USH2A: variants seen among roughly 807,000 people sequenced by gnomAD.
The protein encoded by USH2A is usherin.
USH2A carries 443 observed loss-of-function variants against 538.9 expected under a neutral mutation model. The observed-to-expected ratio is 0.82, with a 90% CI of 0.76 to 0.89. The LOEUF is 0.89. USH2A is among the 40% of genes least tolerant of loss of function. The pLI, the probability that USH2A is intolerant of heterozygous loss-of-function variation, is 0.00. For missense variants in USH2A, 6,633 were observed against 6,324.8 expected (o/e 1.05, Z -1.65); for synonymous variants, 2,413 against 2,273.5 (o/e 1.06, Z -1.75).
At chr1:216,003,945 T>A (rs78165421) in intron 32 of USH2A, among the ~76,000 whole-genome samples, 2,747 of 152,234 alleles carry the variant, frequency 0.018, 78 homozygotes, top group African/African-American at 0.063. Flanking sequence ...AAGTAAGAAA[T>A]GGTTAAATTC....
chr1:216,092,920 A>G (rs184547906), intron 22 of USH2A, among the ~76,000 whole-genome samples: 1 of 152,216 alleles, frequency 6.6e-6, no homozygotes, highest in South Asian at 2.1e-4. Flanking sequence ...TACTTACTAG[A>G]CATCATTAAA....
chr1:215,659,041 A>G (rs1657357093), intron 64 of USH2A, among the ~76,000 whole-genome samples: 1 of 152,192 alleles, frequency 6.6e-6, no homozygotes, highest in Non-Finnish European at 1.5e-5. Flanking sequence ...TGAGCTGGGG[A>G]TACAACAGTG....
chr1:215,713,462 G>T (rs1659397142), intron 61 of USH2A, among the ~76,000 whole-genome samples: 1 of 152,120 alleles, frequency 6.6e-6, no homozygotes, highest in African/African-American at 2.4e-5. Context: ...TTTTAAATCA[G>T]TTGTTTTAAT....
rs144028437 is a variant in USH2A at position 215,872,329 on chromosome 1, T to C, written c.8682-5159A>G. On this transcript the variant is annotated intron_variant, in intron 43 of 71. Transcript: ENST00000307340. ...ATCTATTTGTTGATTCTAAAAATAG[T>C]ATTGAAGATTTTTGCTTCAAAAATT... 5.0e-3 allele frequency among the ~76,000 whole-genome samples: 758 copies of C among 152,330 alleles called. 2 individuals carry two copies. The highest frequency in any genetic ancestry group is 7.7e-3 in the Non-Finnish European group (527 of 68,030).
intron 3 of USH2A, among the ~76,000 whole-genome samples, chr1:216,372,001 A>G (rs1158285404): frequency 6.6e-6 from 1 of 152,230 alleles, no homozygotes; most frequent in Non-Finnish European, 1.5e-5. Flanking sequence ...AGTGACGTTT[A>G]TACAAACAAT....
intron 4 of USH2A, among the ~76,000 whole-genome samples, chr1:216,332,191 C>T (rs1571710715): frequency 2.0e-5 from 3 of 152,036 alleles, no homozygotes; most frequent in Non-Finnish European, 4.4e-5. Flanking sequence ...TGTCATTATT[C>T]GATCTGCCTG....
intron 4 of USH2A, among the ~76,000 whole-genome samples, chr1:216,359,676 T>C (rs988511459): frequency 7.9e-5 from 12 of 152,096 alleles, no homozygotes; most frequent in Admixed American, 3.3e-4. Flanking sequence ...TTATGGCATG[T>C]CCATTATATA....
rs767695788 is a variant in USH2A, at chr1:215,728,027, T to G, written c.12066+3A>C. The G allele has an allele frequency of 6.2e-7, 1 of 1,613,824 alleles. No homozygotes were observed. Among genetic ancestry groups the G allele is most frequent in the African/African-American group, 1.3e-5 (1 of 74,940 alleles). The stretch of plus-strand genomic sequence containing the variant: ...TGTCTGTTACTTTTCTAAAGGGTCT[T>G]ACCTTCACTGTGAAAGCATGCACGG... On this transcript the variant is annotated splice_donor_region_variant and intron_variant, in intron 61 of 71. Coordinates refer to ENST00000307340, the MANE Select transcript of USH2A (RefSeq NM_206933.4).
chr1:215,767,090 G>C (rs1449495417), intron 55 of USH2A, among the ~76,000 whole-genome samples: 1 of 152,108 alleles, frequency 6.6e-6, no homozygotes, highest in South Asian at 2.1e-4. Context: ...CCTGCCTATC[G>C]GATCAGAGCA....
At chr1:215,904,969 A>G (rs1288632343) in intron 38 of USH2A, among the ~76,000 whole-genome samples, 2 of 152,168 alleles carry the variant, frequency 1.3e-5, no homozygotes, top group African/African-American at 2.4e-5. Context: ...TCTCATCTAT[A>G]TGAAAAACAA....
At chr1:215,703,568 G>A (rs1659094798) in intron 61 of USH2A, among the ~76,000 whole-genome samples, 1 of 152,160 alleles carries the variant, frequency 6.6e-6, no homozygotes, top group South Asian at 2.1e-4. Context: ...GTGCTGTGGT[G>A]GGATCTGCCC....
chr1:215,990,127 C>A (rs1291153361), intron 35 of USH2A, among the ~76,000 whole-genome samples: 1 of 152,122 alleles, frequency 6.6e-6, no homozygotes, highest in Non-Finnish European at 1.5e-5. Context: ...TAGAAAGCAA[C>A]CATTAGGTAG....
chr1:215,890,431 C>T (rs985824199), intron 40 of USH2A, among the ~76,000 whole-genome samples: 11 of 152,184 alleles, frequency 7.2e-5, no homozygotes, highest in Admixed American at 2.6e-4. Flanking sequence ...ACAGGATCCA[C>T]GTATTTGTCA....
chr1:215,970,226 T>C (rs1667457266), intron 36 of USH2A, among the ~76,000 whole-genome samples: 1 of 152,196 alleles, frequency 6.6e-6, no homozygotes, highest in Non-Finnish European at 1.5e-5. Context: ...TGGGGAGCAG[T>C]GTTGCCATAT....
At chr1:215,704,109 C>T (rs993140706) in intron 61 of USH2A, among the ~76,000 whole-genome samples, 5 of 152,172 alleles carry the variant, frequency 3.3e-5, no homozygotes, top group Admixed American at 3.3e-4. Context: ...GAGGCGACGC[C>T]CCACCCTGCT....
intron 47 of USH2A, among the ~76,000 whole-genome samples, chr1:215,819,152 T>A (rs1478614701): frequency 6.6e-6 from 1 of 151,870 alleles, no homozygotes; most frequent in Non-Finnish European, 1.5e-5. Flanking sequence ...AGCAAGCACA[T>A]AAGAACCTTG....
At chr1:216,049,774 G>A (rs1278817846) in intron 30 of USH2A, among the ~76,000 whole-genome samples, 1 of 152,072 alleles carries the variant, frequency 6.6e-6, no homozygotes. Flanking sequence ...CCAGTTCTTT[G>A]CTTTGACACC....
intron 64 of USH2A, among the ~76,000 whole-genome samples, chr1:215,654,379 C>A (rs1657177411): frequency 6.6e-6 from 1 of 152,090 alleles, no homozygotes; most frequent in African/African-American, 2.4e-5. Context: ...TCTGATGTTC[C>A]CCTCCCTGTG....
At chr1:215,628,792 C>T in intron 71 of USH2A, 22 bp downstream of exon 71, 1 of 1,612,862 alleles carries the variant, frequency 6.2e-7, no homozygotes, top group Admixed American at 1.7e-5. Flanking sequence ...AGCAAAGGCC[C>T]TGTATGAGGA....
Sources: gnomAD v4.1 joint callset for allele counts (sites outside exome capture counted in the v4.1 genomes callset) on GRCh38, gnomAD v4.1.1 for gene constraint, MANE v1.5 for transcripts, NCBI Gene and HGNC (gene_info 2026-07-23, HGNC 2026-07-21) for gene names.